The following MAN1A2 variants were observed in gnomAD, a reference collection of about 807,000 sequenced individuals.
MAN1A2 encodes the protein mannosidase alpha class 1A member 2, also known as mannosyl-oligosaccharide 1,2-alpha-mannosidase IB.
A neutral mutation model predicts 75.7 loss-of-function variants in MAN1A2; 26 were observed. The observed-to-expected ratio is 0.34, with a 90% CI of 0.25 to 0.48. MAN1A2 has a LOEUF of 0.48. MAN1A2 is among the 20% of genes least tolerant of loss of function. MAN1A2 has a pLI of 0.99. For missense variants in MAN1A2, 562 were observed against 775.5 expected, an observed-to-expected ratio of 0.72 and a Z score of 3.27; for synonymous variants, 247 against 264.6, an observed-to-expected ratio of 0.93 and a Z score of 0.65.
rs560838965 is a variant in MAN1A2 at position 117,387,232 on chromosome 1, A to C, written c.303-14954A>C. 3.8e-3 allele frequency among the ~76,000 whole-genome samples: 570 copies of C among 151,932 alleles called. 7 individuals carry two copies. Among genetic ancestry groups the C allele is most frequent in the African/African-American group, 0.013 (542 of 41,402 alleles). On this transcript the variant is annotated intron_variant, in intron 1 of 12. Coordinates refer to ENST00000356554, the MANE Select transcript of MAN1A2 (RefSeq NM_006699.5). ...TGGCTGTTGTAAAAAAAAAAAAAAAAAAACAAAGTAACAGGTGTTGGAGTG... is the reference window on the plus strand; with the variant it reads ...TGGCTGTTGTAAAAAAAAAAAAAAACAAACAAAGTAACAGGTGTTGGAGTG...
intron 1 of MAN1A2, among the ~76,000 whole-genome samples, chr1:117,389,201 T>C (rs1164067527): frequency 1.3e-5 from 2 of 152,336 alleles, no homozygotes; most frequent in East Asian, 3.9e-4. Flanking sequence ...TAGTTTCTTC[T>C]TTTTCCTTTG....
At chr1:117,433,819 T>TA (rs1465959802) in intron 5 of MAN1A2, among the ~76,000 whole-genome samples, 3 of 152,228 alleles carry the variant, frequency 2.0e-5, no homozygotes, top group African/African-American at 7.2e-5. Context: ...TGCCACTACC[T>TA]ATTAGCTGAA....
intron 1 of MAN1A2, among the ~76,000 whole-genome samples, chr1:117,390,634 ATTTTC>A (rs1330647549): frequency 1.3e-5 from 2 of 149,882 alleles, no homozygotes; most frequent in Non-Finnish European, 3.0e-5. Flanking sequence ...TATCTTTATT[ATTTTC>A]TTTCTTCTTC....
chr1:117,442,331 TCTATGTGG>T lies in MAN1A2; in HGVS notation c.950+7_950+14del. On this transcript the variant is annotated splice_region_variant and intron_variant, in intron 6 of 12. Coordinates refer to ENST00000356554, the MANE Select transcript of MAN1A2 (RefSeq NM_006699.5). ...GCAATGGTGAATTTGAAAAGGTAAC[TCTATGTGG>T]GTATTCTTATTCTGGAAGAATTATT... The T allele has an allele frequency of 1.3e-6, 2 of 1,554,110 alleles. No homozygotes were observed. The highest frequency in any genetic ancestry group is 1.8e-6 in the Non-Finnish European group (2 of 1,125,432).
intron 5 of MAN1A2, among the ~76,000 whole-genome samples, chr1:117,422,056 A>G (rs1446389532): frequency 6.6e-6 from 1 of 152,136 alleles, no homozygotes; most frequent in Admixed American, 6.5e-5. Flanking sequence ...TATTTTTAGT[A>G]AGGTTTATTG....
chr1:117,513,015 T>C (rs1403683231), intron 12 of MAN1A2, among the ~76,000 whole-genome samples: 1 of 152,160 alleles, frequency 6.6e-6, no homozygotes, highest in Admixed American at 6.6e-5. Context: ...ATATGTTAAG[T>C]GTACAGTTTA....
At chr1:117,378,274 G>A (rs879807522) in intron 1 of MAN1A2, among the ~76,000 whole-genome samples, 1 of 152,042 alleles carries the variant, frequency 6.6e-6, no homozygotes, top group African/African-American at 2.4e-5. Flanking sequence ...TACTGAGTTG[G>A]ACATTGTCAT....
chr1:117,438,231 T>C (rs996198933), intron 5 of MAN1A2, among the ~76,000 whole-genome samples: 1 of 152,236 alleles, frequency 6.6e-6, no homozygotes, highest in Admixed American at 6.5e-5. Context: ...TGTTTGTGTT[T>C]GTGTCTTAGT....
chr1:117,433,743 G>C (rs1197588544), intron 5 of MAN1A2, among the ~76,000 whole-genome samples: 1 of 152,146 alleles, frequency 6.6e-6, no homozygotes, highest in Non-Finnish European at 1.5e-5. Flanking sequence ...ACACTTTGCA[G>C]TTTGCACTGA....
intron 3 of MAN1A2, among the ~76,000 whole-genome samples, chr1:117,407,620 G>A (rs941699000): frequency 1.3e-5 from 2 of 152,108 alleles, no homozygotes; most frequent in African/African-American, 4.8e-5. Context: ...TGAGATAGGG[G>A]CTCCTCTGAC....
chr1:117,484,147 T>C (rs1300700538), intron 8 of MAN1A2, among the ~76,000 whole-genome samples: 1 of 151,856 alleles, frequency 6.6e-6, no homozygotes, highest in Non-Finnish European at 1.5e-5. Flanking sequence ...AATAACATAG[T>C]GCATATTTCG....
intron 3 of MAN1A2, among the ~76,000 whole-genome samples, chr1:117,408,256 G>C (rs1263534772): frequency 1.4e-5 from 2 of 147,640 alleles, no homozygotes; most frequent in South Asian, 4.2e-4. Context: ...AATAGCCACT[G>C]TGCCCTAACC....
chr1:117,369,708 A>G (rs756622924), intron 1 of MAN1A2, among the ~76,000 whole-genome samples: 2 of 152,168 alleles, frequency 1.3e-5, no homozygotes, highest in Non-Finnish European at 1.5e-5. Flanking sequence ...ATTTTCGACT[A>G]CTGTACTCCT....
At chr1:117,370,130 T>C (rs1427685122) in intron 1 of MAN1A2, among the ~76,000 whole-genome samples, 4 of 152,236 alleles carry the variant, frequency 2.6e-5, no homozygotes, top group African/African-American at 7.2e-5. Context: ...TTTAACAGTC[T>C]GTATAAATAG....
chr1:117,433,914 G>A (rs1426198547), intron 5 of MAN1A2, among the ~76,000 whole-genome samples: 1 of 152,106 alleles, frequency 6.6e-6, no homozygotes, highest in Admixed American at 6.6e-5. Context: ...AACAAGAAAG[G>A]CCGTGTTGCT....
chr1:117,511,704 A>G (rs1304661057), intron 12 of MAN1A2, among the ~76,000 whole-genome samples: 4 of 151,988 alleles, frequency 2.6e-5, no homozygotes, highest in Non-Finnish European at 5.9e-5. Context: ...TCATTTTATC[A>G]GTTGTGTTTA....
chr1:117,408,723 T>G (rs181287239), intron 3 of MAN1A2, among the ~76,000 whole-genome samples: 2 of 152,218 alleles, frequency 1.3e-5, no homozygotes, highest in East Asian at 3.9e-4. Context: ...GGTTTTATTT[T>G]TTTCTTTAAT....
At chr1:117,449,858 G>A (rs1321231844) in intron 6 of MAN1A2, among the ~76,000 whole-genome samples, 2 of 152,202 alleles carry the variant, frequency 1.3e-5, no homozygotes, top group African/African-American at 2.4e-5. Flanking sequence ...CTCTCTTCAC[G>A]TCTGTGAATG....
At chr1:117,423,955 T>C (rs1295852434) in intron 5 of MAN1A2, among the ~76,000 whole-genome samples, 1 of 151,300 alleles carries the variant, frequency 6.6e-6, no homozygotes, top group Non-Finnish European at 1.5e-5. Context: ...CGATCACAGC[T>C]CACTGCAACC....
Sources: gnomAD v4.1 joint callset for allele counts (sites outside exome capture counted in the v4.1 genomes callset) on GRCh38, gnomAD v4.1.1 for gene constraint, MANE v1.5 for transcripts, NCBI Gene and HGNC (gene_info 2026-07-23, HGNC 2026-07-21) for gene names.